Variants in MACROD2 observed in about 807,000 individuals in gnomAD.
MACROD2 encodes the protein mono-ADP ribosylhydrolase 2, also known as ADP-ribose glycohydrolase MACROD2.
In MACROD2, 36 loss-of-function variants were observed where a neutral mutation model predicts 70.4. That is an observed-to-expected ratio of 0.51 (90% CI 0.39 to 0.68). The LOEUF (loss-of-function observed/expected upper bound fraction) is 0.68, where lower values mean the gene tolerates loss of function less well. Among genes scored for constraint, MACROD2 ranks in the 30% least tolerant of loss-of-function variants. The pLI is 0.00. For synonymous variants in MACROD2, 172 were observed against 178.8 expected, an observed-to-expected ratio of 0.96 and a Z score of 0.30; for missense variants, 496 against 538.4, an observed-to-expected ratio of 0.92 and a Z score of 0.78.
chr20:14,763,547 G>A (rs1030437783), intron 5 of MACROD2, among the ~76,000 whole-genome samples: 3 of 152,096 alleles, frequency 2.0e-5, no homozygotes, highest in African/African-American at 7.2e-5. Context: ...CAAGGAGGTG[G>A]CAATATGACT....
intron 5 of MACROD2, among the ~76,000 whole-genome samples, chr20:14,868,037 A>G (rs2073446605): frequency 6.6e-6 from 1 of 152,046 alleles, no homozygotes; most frequent in Non-Finnish European, 1.5e-5. Flanking sequence ...GAAACACATT[A>G]TATTTTAATA....
intron 5 of MACROD2, among the ~76,000 whole-genome samples, chr20:14,993,094 G>C (rs1032949703): frequency 1.3e-5 from 2 of 151,948 alleles, no homozygotes; most frequent in East Asian, 3.9e-4. Context: ...GCCAGAAACC[G>C]CCTGTTTCTT....
At chr20:15,510,692 A>G (rs1054607252) in intron 8 of MACROD2, among the ~76,000 whole-genome samples, 5 of 152,330 alleles carry the variant, frequency 3.3e-5, no homozygotes, top group African/African-American at 4.8e-5. Flanking sequence ...AGGTCTGGCA[A>G]AACACTTGCT....
At chr20:15,011,924 A>T (rs2075085625) in intron 5 of MACROD2, among the ~76,000 whole-genome samples, 1 of 152,124 alleles carries the variant, frequency 6.6e-6, no homozygotes, top group Non-Finnish European at 1.5e-5. Context: ...TCATGTTATG[A>T]CCAGAGGACA....
intron 3 of MACROD2, among the ~76,000 whole-genome samples, chr20:14,132,591 T>C (rs1046010196): frequency 6.6e-6 from 1 of 152,192 alleles, no homozygotes; most frequent in African/African-American, 2.4e-5. Flanking sequence ...TATTAATTAC[T>C]TAGGGTTCTA....
At chr20:14,265,412 A>G (rs754364135) in intron 3 of MACROD2, among the ~76,000 whole-genome samples, 29 of 152,174 alleles carry the variant, frequency 1.9e-4, no homozygotes, top group Non-Finnish European at 3.4e-4. Flanking sequence ...GGGGTAATAA[A>G]TTAATGAAGT....
intron 5 of MACROD2, among the ~76,000 whole-genome samples, chr20:15,053,635 A>G (rs1384060604): frequency 6.6e-6 from 1 of 152,226 alleles, no homozygotes; most frequent in Non-Finnish European, 1.5e-5. Flanking sequence ...CAAGAGCTGT[A>G]CTGGAGATAT....
chr20:14,952,367 T>C (rs2122734601), intron 5 of MACROD2, among the ~76,000 whole-genome samples: 1 of 152,300 alleles, frequency 6.6e-6, no homozygotes, highest in Middle Eastern at 3.4e-3. Context: ...TTATTAAAAT[T>C]GTGTTCTGAT....
intron 12 of MACROD2, among the ~76,000 whole-genome samples, chr20:15,966,081 C>T (rs1490645477): frequency 2.0e-5 from 3 of 152,016 alleles, no homozygotes; most frequent in Non-Finnish European, 4.4e-5. Context: ...TCATAATATT[C>T]CAAGCCATAT....
At chr20:16,029,096 A>G (rs746817045) in intron 15 of MACROD2, among the ~76,000 whole-genome samples, 6 of 152,208 alleles carry the variant, frequency 3.9e-5, no homozygotes, top group Non-Finnish European at 8.8e-5. Context: ...GTGTCCTCGC[A>G]TGGCAGAGCA....
chr20:14,858,107 C>T (rs2073275599), intron 5 of MACROD2, among the ~76,000 whole-genome samples: 1 of 152,172 alleles, frequency 6.6e-6, no homozygotes, highest in South Asian at 2.1e-4. Flanking sequence ...AGGCGTGAGC[C>T]ACAGTGCCTG....
chr20:14,289,019 G>A (rs931870380), intron 3 of MACROD2, among the ~76,000 whole-genome samples: 17 of 152,126 alleles, frequency 1.1e-4, no homozygotes, highest in Admixed American at 1.0e-3. Context: ...CCAATATTTA[G>A]GGGGTAGTCT....
chr20:15,022,235 A>C (rs574071926), intron 5 of MACROD2, among the ~76,000 whole-genome samples: 23 of 152,292 alleles, frequency 1.5e-4, no homozygotes, highest in African/African-American at 5.5e-4. Context: ...CCTATGTTAC[A>C]CAAACATGAC....
intron 6 of MACROD2, among the ~76,000 whole-genome samples, chr20:15,301,591 C>CTTTTTTTTTTTTTGTTTTTTTTTTTTT (rs2077643266): frequency 1.2e-5 from 1 of 81,250 alleles, no homozygotes; most frequent in Non-Finnish European, 2.4e-5. Context: ...GGTAGGTGGC[C>CTTTTTTTTTTTTTGTTTTTTTTTTTTT]TTTTTTTTTT....
At chr20:15,207,436 G>GTTTTTTTTTTTTTTTTTTTTTT (rs548522491) in intron 5 of MACROD2, among the ~76,000 whole-genome samples, 2 of 84,588 alleles carry the variant, frequency 2.4e-5, no homozygotes, top group Admixed American at 1.4e-4. Flanking sequence ...TTTGTTTCTG[G>GTTTTTTTTTTTTTTTTTTTTTT]TTTTTTTTTT....
At chr20:15,949,215 G>A (rs949025833) in intron 12 of MACROD2, among the ~76,000 whole-genome samples, 1 of 152,144 alleles carries the variant, frequency 6.6e-6, no homozygotes, top group South Asian at 2.1e-4. Flanking sequence ...AAAACTGAAA[G>A]AGTTAATATA....
chr20:15,963,565 A>G (rs2066095409), intron 12 of MACROD2, among the ~76,000 whole-genome samples: 2 of 152,170 alleles, frequency 1.3e-5, no homozygotes, highest in Non-Finnish European at 2.9e-5. Flanking sequence ...TAAGAATTCA[A>G]GATTTGCCAT....
chr20:15,724,740 G>A (rs1013976245), intron 8 of MACROD2, among the ~76,000 whole-genome samples: 14 of 151,998 alleles, frequency 9.2e-5, no homozygotes, highest in African/African-American at 2.7e-4. Flanking sequence ...CTTTGTTCTT[G>A]TCCTTTAATA....
chr20:14,835,226 C>A (rs978525002), intron 5 of MACROD2, among the ~76,000 whole-genome samples: 22 of 152,046 alleles, frequency 1.4e-4, no homozygotes, highest in African/African-American at 4.8e-4. Flanking sequence ...AAGTCAACCT[C>A]CCTGGACAGG....
Sources: gnomAD v4.1 joint callset for allele counts (sites outside exome capture counted in the v4.1 genomes callset) on GRCh38, gnomAD v4.1.1 for gene constraint, MANE v1.5 for transcripts, NCBI Gene and HGNC (gene_info 2026-07-23, HGNC 2026-07-21) for gene names.